Variants in KCNH7 observed in about 807,000 individuals in gnomAD.
The protein encoded by KCNH7 is voltage-gated inwardly rectifying potassium channel KCNH7.
A neutral mutation model predicts 120.8 loss-of-function variants in KCNH7; 49 were observed. The observed-to-expected ratio is 0.41, with a 90% CI of 0.32 to 0.51. KCNH7 has a LOEUF of 0.51. KCNH7 is among the 20% of genes least tolerant of loss of function. KCNH7 has a pLI of 0.38. For missense variants in KCNH7, 1,097 were observed against 1,446.6 expected, an observed-to-expected ratio of 0.76 and a Z score of 3.92; for synonymous variants, 547 against 516.1, an observed-to-expected ratio of 1.06 and a Z score of -0.81.
intron 3 of KCNH7, among the ~76,000 whole-genome samples, chr2:162,526,265 G>T (rs544262480): frequency 6.6e-6 from 1 of 151,970 alleles, no homozygotes; most frequent in Admixed American, 6.6e-5. Context: ...GGCAGGGCAA[G>T]ATCACAGGAC....
chr2:162,517,241 C>T (rs941016927), intron 4 of KCNH7, among the ~76,000 whole-genome samples: 3 of 151,618 alleles, frequency 2.0e-5, no homozygotes, highest in Non-Finnish European at 4.4e-5. Context: ...TCCCCTTCAT[C>T]CTACCTACCT....
At chr2:162,402,333 G>T (rs147679128) in intron 9 of KCNH7, among the ~76,000 whole-genome samples, 159 of 148,924 alleles carry the variant, frequency 1.1e-3, no homozygotes, top group African/African-American at 3.6e-3. Flanking sequence ...GGCAAGTGAT[G>T]CCAAACTGGA....
chr2:162,604,558 T>C (rs1016024732), intron 2 of KCNH7, among the ~76,000 whole-genome samples: 1 of 151,990 alleles, frequency 6.6e-6, no homozygotes, highest in African/African-American at 2.4e-5. Flanking sequence ...ATATACTTTA[T>C]AGGCAATATA....
chr2:162,709,458 A>T (rs1352456198), intron 2 of KCNH7, among the ~76,000 whole-genome samples: 1 of 152,046 alleles, frequency 6.6e-6, no homozygotes, highest in Non-Finnish European at 1.5e-5. Context: ...GAAAAATAAG[A>T]TGGGTGATCA....
At chr2:162,723,207 A>G (rs962695413) in intron 2 of KCNH7, among the ~76,000 whole-genome samples, 1 of 151,818 alleles carries the variant, frequency 6.6e-6, no homozygotes, top group African/African-American at 2.4e-5. Context: ...TTAAGTCTCT[A>G]TATTGTTACA....
At chr2:162,816,465 G>T (rs968659442) in intron 2 of KCNH7, among the ~76,000 whole-genome samples, 7 of 151,996 alleles carry the variant, frequency 4.6e-5, no homozygotes, top group African/African-American at 1.7e-4. Context: ...TCAATAGAAA[G>T]TACCCTACCC....
chr2:162,473,435 G>A (rs1574001783), intron 6 of KCNH7, among the ~76,000 whole-genome samples: 1 of 152,080 alleles, frequency 6.6e-6, no homozygotes, highest in Admixed American at 6.6e-5. Context: ...GGAGAAACAT[G>A]TTCTTTGATC....
intron 2 of KCNH7, among the ~76,000 whole-genome samples, chr2:162,737,478 C>T (rs1574324290): frequency 6.6e-6 from 1 of 151,950 alleles, no homozygotes; most frequent in Non-Finnish European, 1.5e-5. Context: ...CAAGGTTCTG[C>T]TATCATTTGG....
At chr2:162,505,163 C>T (rs1376647046) in intron 5 of KCNH7, among the ~76,000 whole-genome samples, 1 of 151,850 alleles carries the variant, frequency 6.6e-6, no homozygotes, top group Non-Finnish European at 1.5e-5. Flanking sequence ...GTTTCCACTA[C>T]CTATATGAGA....
Position 162,838,425 on chromosome 2 carries a change from G to C in KCNH7, c.76+18C>G. 1 of 1,606,040 alleles carries C rather than the reference G, an allele frequency of 6.2e-7. No individual in the cohort carries two copies. Among genetic ancestry groups the C allele is most frequent in the South Asian group, 1.1e-5 (1 of 90,906 alleles). On this transcript the variant is annotated intron_variant, in intron 1 of 15. Coordinates refer to ENST00000332142, the MANE Select transcript of KCNH7 (RefSeq NM_033272.4). ...AAGGCAGAAAGCGAGGGCGAGAGAA[G>C]AGAACAAACGAACTTACTTTGCCCT... is the stretch of plus-strand genomic sequence containing the variant.
rs540445840 is a variant in KCNH7, at chr2:162,819,838, C to T, written c.307+16699G>A. Among the ~76,000 whole-genome samples the T allele has an allele frequency of 3.9e-5, 6 of 152,050 alleles. No homozygotes were observed. In the East Asian group the frequency reaches 9.7e-4, roughly 24 times the overall value. On this transcript the variant is annotated intron_variant, in intron 2 of 15. Transcript: ENST00000332142. ...ACAAAGGCTAAACTGAAAATAATTCCGAATGAAAGCCTATTTGCTGTTTTT... is the reference window on the plus strand; with the variant it reads ...ACAAAGGCTAAACTGAAAATAATTCTGAATGAAAGCCTATTTGCTGTTTTT...
intron 2 of KCNH7, among the ~76,000 whole-genome samples, chr2:162,820,209 T>TTGTGTGTGTGTG (rs71410049): frequency 0.14 from 13,700 of 99,560 alleles, 1,415 homozygotes; most frequent in Middle Eastern, 0.25. Flanking sequence ...CCGGCTAATT[T>TTGTGTGTGTGTG]TGTGTGTGTG....
chr2:162,655,079 TTAA>T (rs1684699279), intron 2 of KCNH7, among the ~76,000 whole-genome samples: 1 of 152,170 alleles, frequency 6.6e-6, no homozygotes, highest in African/African-American at 2.4e-5. Context: ...GTGACTACAG[TTAA>T]TAATAATTTA....
At chr2:162,788,425 T>C (rs1202880192) in intron 2 of KCNH7, among the ~76,000 whole-genome samples, 2 of 151,988 alleles carry the variant, frequency 1.3e-5, no homozygotes, top group South Asian at 2.1e-4. Flanking sequence ...AGGAACCATA[T>C]AAAAGAACCA....
chr2:162,471,014 A>G (rs1689504964), intron 6 of KCNH7, among the ~76,000 whole-genome samples: 2 of 152,126 alleles, frequency 1.3e-5, no homozygotes. Flanking sequence ...GGGCGGTGCA[A>G]GATGTGCTTT....
At position 162,835,309 on chromosome 2, in the gene KCNH7, G is replaced by T. The variant is rs548636617; in HGVS notation, c.307+1228C>A. Among the ~76,000 whole-genome samples, 7 of 152,094 alleles carry T rather than the reference G, an allele frequency of 4.6e-5. No individual in the cohort carries two copies. The South Asian group carries it at 1.0e-3, about 23-fold the overall frequency. On this transcript the variant is annotated intron_variant, in intron 2 of 15. Transcript: ENST00000332142. ...AAGGAAAATGTAGTAATTAAGAATT[G>T]TACATTGTACATTGAATTATAAGAA...
intron 2 of KCNH7, among the ~76,000 whole-genome samples, chr2:162,587,648 T>C (rs563627247): frequency 6.6e-6 from 1 of 152,128 alleles, no homozygotes; most frequent in Non-Finnish European, 1.5e-5. Flanking sequence ...TTTTGGTTTA[T>C]ATAGTTTCCT....
chr2:162,829,008 T>C (rs551470014), intron 2 of KCNH7, among the ~76,000 whole-genome samples: 1 of 152,284 alleles, frequency 6.6e-6, no homozygotes, highest in African/African-American at 2.4e-5. Flanking sequence ...CAGGCTATCA[T>C]GGAAAGAGCC....
At chr2:162,683,555 G>A (rs113238229) in intron 2 of KCNH7, among the ~76,000 whole-genome samples, 1,628 of 151,962 alleles carry the variant, frequency 0.011, 25 homozygotes, top group African/African-American at 0.037. Flanking sequence ...AGAAAGTGGA[G>A]ACATTTCTAA....
Sources: gnomAD v4.1 joint callset for allele counts (sites outside exome capture counted in the v4.1 genomes callset) on GRCh38, gnomAD v4.1.1 for gene constraint, MANE v1.5 for transcripts, NCBI Gene and HGNC (gene_info 2026-07-23, HGNC 2026-07-21) for gene names.